NRG3: variants seen among roughly 807,000 people sequenced by gnomAD.
The protein encoded by NRG3 is pro-neuregulin-3, membrane-bound isoform.
A neutral mutation model predicts 66.9 loss-of-function variants in NRG3; 31 were observed. The ratio of observed to expected loss-of-function variants is 0.46; its 90% CI spans 0.35 to 0.63. The LOEUF is 0.63. Among genes scored for constraint, NRG3 ranks in the 20% least tolerant of loss-of-function variants. The pLI, the probability that NRG3 is intolerant of heterozygous loss-of-function variation, is 0.00. For missense variants in NRG3, 910 were observed against 878.9 expected, an observed-to-expected ratio of 1.04 and a Z score of -0.45; for synonymous variants, 393 against 359.4, an observed-to-expected ratio of 1.09 and a Z score of -1.06.
At chr10:82,405,149 AAAAGTGGTCG>A (rs1276703651) in intron 2 of NRG3, among the ~76,000 whole-genome samples, 1 of 152,200 alleles carries the variant, frequency 6.6e-6, no homozygotes, top group Non-Finnish European at 1.5e-5. Flanking sequence ...AAGACCTCAG[AAAAGTGGTCG>A]AACGAGGCCT....
chr10:82,839,401 A>T (rs995087713), intron 3 of NRG3, among the ~76,000 whole-genome samples: 1 of 152,152 alleles, frequency 6.6e-6, no homozygotes, highest in Non-Finnish European at 1.5e-5. Flanking sequence ...ATAAATGCAG[A>T]GTAAAGGTTT....
intron 2 of NRG3, among the ~76,000 whole-genome samples, chr10:82,401,939 C>G (rs1452140957): frequency 6.6e-6 from 1 of 151,928 alleles, no homozygotes; most frequent in Non-Finnish European, 1.5e-5. Flanking sequence ...ATTGGCTTTA[C>G]TCAGTTATTT....
intron 1 of NRG3, among the ~76,000 whole-genome samples, chr10:82,192,977 G>C (rs2074242302): frequency 6.8e-6 from 1 of 147,654 alleles, no homozygotes; most frequent in African/African-American, 2.5e-5. Flanking sequence ...GAAAGTGAGA[G>C]AGAGAGAGAG....
chr10:81,916,704 C>T (rs542536453), intron 1 of NRG3, among the ~76,000 whole-genome samples: 31 of 152,224 alleles, frequency 2.0e-4, no homozygotes, highest in African/African-American at 5.5e-4. Flanking sequence ...AGTAGAAGGG[C>T]AGGCATTGCT....
intron 2 of NRG3, among the ~76,000 whole-genome samples, chr10:82,466,191 G>A (rs751514461): frequency 2.6e-5 from 4 of 151,874 alleles, no homozygotes; most frequent in Non-Finnish European, 4.4e-5. Context: ...TCCAACCTCT[G>A]TCTCTTCTAC....
Position 82,453,156 on chromosome 10 carries a change from G to A in NRG3, c.953+94288G>A, listed in dbSNP as rs548619739. 2.6e-5 allele frequency among the ~76,000 whole-genome samples: 4 copies of A among 151,774 alleles called. No individual in the cohort carries two copies. The East Asian group carries it at 7.8e-4, about 29-fold the overall frequency. ...TACAGATTATTATTATTATTATATG[G>A]GATTATATACACAAAAAACATGTGA... On this transcript the variant is annotated intron_variant, in intron 2 of 8. Transcript: ENST00000372141.
chr10:82,193,088 G>A (rs2074250270), intron 1 of NRG3, among the ~76,000 whole-genome samples: 1 of 152,110 alleles, frequency 6.6e-6, no homozygotes, highest in South Asian at 2.1e-4. Flanking sequence ...TTTATTATAA[G>A]TGCAATGGGA....
In NRG3 at chr10:82,667,196, A is replaced by G. The variant is rs142046812; in HGVS notation, c.954-71381A>G. Among the ~76,000 whole-genome samples the G allele has an allele frequency of 1.4e-3, 207 of 152,284 alleles. 1 individual carries two copies. Among genetic ancestry groups the G allele is most frequent in the African/African-American group, 4.7e-3 (196 of 41,554 alleles). ...TAACCTAAAGCCCAAAGGTAGCTGGAAGAGTTGTGATATGATTCTCATAAC... is the reference window on the plus strand; with the variant it reads ...TAACCTAAAGCCCAAAGGTAGCTGGGAGAGTTGTGATATGATTCTCATAAC... On this transcript the variant is annotated intron_variant, in intron 2 of 8. Transcript: ENST00000372141.
chr10:82,977,837 A>C (rs1455244123), intron 7 of NRG3, among the ~76,000 whole-genome samples: 1 of 152,188 alleles, frequency 6.6e-6, no homozygotes, highest in East Asian at 1.9e-4. Flanking sequence ...AGTAGAATTA[A>C]CAGTAATATT....
chr10:82,940,998 TG>T (rs1385464654), intron 4 of NRG3, among the ~76,000 whole-genome samples: 2 of 151,992 alleles, frequency 1.3e-5, no homozygotes, highest in African/African-American at 4.8e-5. Flanking sequence ...TCCATAACAG[TG>T]GGAGTTTCAA....
intron 2 of NRG3, among the ~76,000 whole-genome samples, chr10:82,648,808 G>A (rs2051170373): frequency 6.6e-6 from 1 of 152,114 alleles, no homozygotes; most frequent in South Asian, 2.1e-4. Flanking sequence ...CTCTCTGTTT[G>A]TCTGTTACTG....
chr10:82,430,935 G>A (rs1294507186), intron 2 of NRG3, among the ~76,000 whole-genome samples: 1 of 152,162 alleles, frequency 6.6e-6, no homozygotes. Flanking sequence ...ACAACAGTCA[G>A]TGTGAGATGT....
At chr10:82,980,164 T>C (rs1438609052) in intron 8 of NRG3, among the ~76,000 whole-genome samples, 1 of 151,712 alleles carries the variant, frequency 6.6e-6, no homozygotes, top group Non-Finnish European at 1.5e-5. Context: ...CACATGGTGC[T>C]ACTGGACTCC....
intron 1 of NRG3, among the ~76,000 whole-genome samples, chr10:82,169,929 A>T (rs187787383): frequency 6.7e-6 from 1 of 148,864 alleles, no homozygotes; most frequent in Non-Finnish European, 1.5e-5. Context: ...TTCTACTGTT[A>T]GCCTACTTGT....
intron 1 of NRG3, among the ~76,000 whole-genome samples, chr10:82,150,545 A>C (rs2070653633): frequency 1.3e-5 from 2 of 151,150 alleles, no homozygotes; most frequent in South Asian, 4.1e-4. Flanking sequence ...AAAAAAAAAA[A>C]AAAAAAAAAG....
intron 2 of NRG3, among the ~76,000 whole-genome samples, chr10:82,462,818 C>T (rs2091582893): frequency 6.6e-6 from 1 of 152,146 alleles, no homozygotes; most frequent in African/African-American, 2.4e-5. Flanking sequence ...TATGACTATA[C>T]AAGTCTAAAA....
intron 2 of NRG3, among the ~76,000 whole-genome samples, chr10:82,508,877 G>T (rs986532480): frequency 6.6e-6 from 1 of 151,982 alleles, no homozygotes. Flanking sequence ...TTTCACTTTC[G>T]TCCACACTTC....
intron 2 of NRG3, among the ~76,000 whole-genome samples, chr10:82,453,667 C>G (rs562158905): frequency 1.3e-5 from 2 of 150,102 alleles, no homozygotes; most frequent in East Asian, 3.9e-4. Flanking sequence ...AGGTTAAAAG[C>G]CTGATGTTTT....
chr10:82,189,347 GTGT>G (rs573279627), intron 1 of NRG3, among the ~76,000 whole-genome samples: 156 of 152,208 alleles, frequency 1.0e-3, no homozygotes, highest in African/African-American at 3.7e-3. Flanking sequence ...ATAAATGTGT[GTGT>G]TGTTATATAT....
Sources: gnomAD v4.1 joint callset for allele counts (sites outside exome capture counted in the v4.1 genomes callset) on GRCh38, gnomAD v4.1.1 for gene constraint, MANE v1.5 for transcripts, NCBI Gene and HGNC (gene_info 2026-07-23, HGNC 2026-07-21) for gene names.